Variants in RPH3A observed in about 807,000 individuals in gnomAD.
RPH3A encodes the protein rabphilin 3A.
Under a neutral mutation model 102.2 loss-of-function variants are expected in RPH3A, and 48 were observed. The observed-to-expected ratio is 0.47, with a 90% confidence interval of 0.37 to 0.60. The LOEUF (loss-of-function observed/expected upper bound fraction) is 0.60, where lower values mean the gene tolerates loss of function less well. RPH3A is among the 20% of genes least tolerant of loss of function. The pLI, the probability that RPH3A is intolerant of heterozygous loss-of-function variation, is 0.00. For synonymous variants in RPH3A, 310 were observed against 324.3 expected (o/e 0.96, Z 0.47); for missense variants, 781 against 910.1 (o/e 0.86, Z 1.83).
chr12:112,805,937 A>G lies in RPH3A; in HGVS notation c.-19+13674A>G, dbSNP rs1418171887. Among the ~76,000 whole-genome samples, 6 of 152,346 alleles carry G rather than the reference A, an allele frequency of 3.9e-5. No homozygotes were observed. The East Asian group carries it at 1.2e-3, about 29-fold the overall frequency. On this transcript the variant is annotated intron_variant, in intron 2 of 21. Transcript: ENST00000389385. ...ATGAATCTGTCTCTCCCTCCAAAAA[A>G]TGTTTTGCCCAACTTGAATAAATAA...
intron 2 of RPH3A, among the ~76,000 whole-genome samples, chr12:112,793,566 G>A (rs1565883593): frequency 6.6e-6 from 1 of 152,232 alleles, no homozygotes; most frequent in Admixed American, 6.5e-5. Flanking sequence ...TTGTCTGGTG[G>A]TTAGTGTCAA....
At chr12:112,643,631 G>C (rs1025047910) in intron 1 of RPH3A, among the ~76,000 whole-genome samples, 4 of 152,214 alleles carry the variant, frequency 2.6e-5, no homozygotes, top group African/African-American at 9.6e-5. Context: ...TCATGTTCGT[G>C]TCAGCCTGGG....
intron 2 of RPH3A, among the ~76,000 whole-genome samples, chr12:112,827,481 T>G (rs1162572403): frequency 6.6e-6 from 1 of 152,180 alleles, no homozygotes; most frequent in Non-Finnish European, 1.5e-5. Context: ...TTCTACTTTG[T>G]GGTTATTATG....
At chr12:112,594,232 T>A (rs1316279372) in intron 1 of RPH3A, among the ~76,000 whole-genome samples, 2 of 152,194 alleles carry the variant, frequency 1.3e-5, no homozygotes, top group Non-Finnish European at 2.9e-5. Flanking sequence ...ATTCCACAAT[T>A]ATTTCATTCA....
intron 1 of RPH3A, among the ~76,000 whole-genome samples, chr12:112,752,575 G>A (rs903884498): frequency 6.9e-6 from 1 of 145,280 alleles, no homozygotes; most frequent in Non-Finnish European, 1.5e-5. Flanking sequence ...GAAATATTAC[G>A]TTATATGAGC....
chr12:112,643,797 C>T (rs1284468449), intron 1 of RPH3A, among the ~76,000 whole-genome samples: 2 of 152,186 alleles, frequency 1.3e-5, no homozygotes, highest in Non-Finnish European at 2.9e-5. Flanking sequence ...ATATTTGATC[C>T]AGCAATCCCA....
At chr12:112,678,539 A>G (rs1592939787) in intron 1 of RPH3A, among the ~76,000 whole-genome samples, 1 of 152,132 alleles carries the variant, frequency 6.6e-6, no homozygotes, top group African/African-American at 2.4e-5. Context: ...AAGAAAATCA[A>G]TGCCACGGAG....
intron 2 of RPH3A, among the ~76,000 whole-genome samples, chr12:112,810,716 A>G (rs1418008393): frequency 6.6e-6 from 1 of 152,310 alleles, no homozygotes; most frequent in East Asian, 1.9e-4. Context: ...GGCTATTTGC[A>G]TCAACTATCC....
chr12:112,594,560 C>A (rs1300544223), intron 1 of RPH3A, among the ~76,000 whole-genome samples: 1 of 152,200 alleles, frequency 6.6e-6, no homozygotes, highest in African/African-American at 2.4e-5. Flanking sequence ...CATTTTTCAG[C>A]AAATACTTTT....
chr12:112,823,161 G>A (rs530279600), intron 2 of RPH3A, among the ~76,000 whole-genome samples: 16 of 152,274 alleles, frequency 1.1e-4, no homozygotes, highest in African/African-American at 3.6e-4. Context: ...TGCACCCAGG[G>A]GCCAGAGGGC....
chr12:112,769,867 T>C (rs1156294864), intron 1 of RPH3A, among the ~76,000 whole-genome samples: 5 of 152,230 alleles, frequency 3.3e-5, no homozygotes, highest in Non-Finnish European at 7.3e-5. Context: ...GCTAACATCA[T>C]CTTTGACCAC....
chr12:112,787,386 T>A (rs2041058505), upstream of RPH3A, among the ~76,000 whole-genome samples: 1 of 152,184 alleles, frequency 6.6e-6, no homozygotes, highest in Non-Finnish European at 1.5e-5. Flanking sequence ...ACTGTTCAGA[T>A]TCACACCCCA....
intron 1 of RPH3A, among the ~76,000 whole-genome samples, chr12:112,756,084 C>T (rs1374300539): frequency 6.6e-6 from 1 of 152,034 alleles, no homozygotes; most frequent in Non-Finnish European, 1.5e-5. Flanking sequence ...TCTCAAATAA[C>T]TAAAAGAGAG....
intron 1 of RPH3A, among the ~76,000 whole-genome samples, chr12:112,671,322 C>T (rs931598969): frequency 6.6e-6 from 1 of 152,198 alleles, no homozygotes; most frequent in Non-Finnish European, 1.5e-5. Flanking sequence ...ACCAGGATTC[C>T]AGGCACCTTC....
At chr12:112,797,374 T>C (rs185224572) in intron 2 of RPH3A, among the ~76,000 whole-genome samples, 19 of 152,272 alleles carry the variant, frequency 1.2e-4, no homozygotes, top group Non-Finnish European at 2.8e-4. Flanking sequence ...ACTAGGCTTG[T>C]AGGCAAAAGA....
chr12:112,593,195 A>T (rs1164590083), intron 1 of RPH3A, among the ~76,000 whole-genome samples: 1 of 152,216 alleles, frequency 6.6e-6, no homozygotes, highest in Non-Finnish European at 1.5e-5. Context: ...GAAGACAGTC[A>T]TCTGTAAACC....
chr12:112,841,922 G>C (rs550336456), intron 4 of RPH3A: 1 of 455,710 alleles, frequency 2.2e-6, no homozygotes, highest in African/African-American at 2.0e-5. Context: ...CTGTCTCTCT[G>C]TCTCTCTCTC....
chr12:112,839,901 A>G (rs1450208147), intron 4 of RPH3A, among the ~76,000 whole-genome samples: 1 of 152,158 alleles, frequency 6.6e-6, no homozygotes, highest in African/African-American at 2.4e-5. Context: ...ACACAGGAGA[A>G]TTGCTTGAAC....
In RPH3A at chr12:112,869,793, G is replaced by C; in HGVS notation, c.645G>C (p.Lys215Asn). The change falls in exon 9 of 22, where the codon AAG becomes AAC. Residue 215 changes from lysine (K) to asparagine (N), a missense_variant. By Grantham distance (94) the Lys-to-Asn change is moderately conservative (BLOSUM62 0). Coordinates refer to ENST00000389385, the MANE Select transcript of RPH3A (RefSeq NM_001143854.2). ...AAGATAGGAGGGGCCCGGGTCAGAA[G>C]ACAGGTGGGTTCTGCTGACTCTGTT... ...DSEDRRGPGQ[K>N]TGPDPASAPG... 6.2e-7 allele frequency: 1 copy of C among 1,614,162 alleles called. No individual in the cohort carries two copies. Among genetic ancestry groups the C allele is most frequent in the Non-Finnish European group, 8.5e-7 (1 of 1,180,016 alleles).
Sources: allele counts gnomAD v4.1 joint callset (sites outside exome capture counted in the v4.1 genomes callset), GRCh38; gene constraint gnomAD v4.1.1; transcripts MANE v1.5; gene names NCBI Gene and HGNC (gene_info 2026-07-23, HGNC 2026-07-21).